TOGARAM1: variants seen among roughly 807,000 people sequenced by gnomAD.
The protein encoded by TOGARAM1 is TOG array regulator of axonemal microtubules 1.
A neutral mutation model predicts 166.6 loss-of-function variants in TOGARAM1; 100 were observed. The ratio of observed to expected loss-of-function variants is 0.60; its 90% CI spans 0.51 to 0.71. The LOEUF (loss-of-function observed/expected upper bound fraction) is 0.71, where lower values mean the gene tolerates loss of function less well. Ranked by LOEUF, TOGARAM1 falls within the 30% of genes least tolerant of loss-of-function variation. The pLI is 0.00. For missense variants in TOGARAM1, 2,029 were observed against 2,102.7 expected (o/e 0.96, Z 0.69); for synonymous variants, 758 against 763.8 (o/e 0.99, Z 0.13).
intron 15 of TOGARAM1, among the ~76,000 whole-genome samples, chr14:45,053,068 C>G (rs1345329631): frequency 7.6e-6 from 1 of 131,998 alleles, no homozygotes; most frequent in Non-Finnish European, 1.5e-5. Context: ...GAGACAGAGT[C>G]TTGCTGTGCC....
At chr14:45,045,567 A>G (rs1471768178) in intron 13 of TOGARAM1, among the ~76,000 whole-genome samples, 17 of 41,500 alleles carry the variant, frequency 4.1e-4, no homozygotes, top group East Asian at 2.4e-3. Context: ...ATATATATAT[A>G]TATATATATA....
At position 44,986,226 on chromosome 14, in the gene TOGARAM1, A is replaced by G. The variant is rs541744110; in HGVS notation, c.2047-9520A>G. On this transcript the variant is annotated intron_variant, in intron 1 of 19. Transcript: ENST00000361462. ...CTTACATGGTGGTAAAATCTAGACA[A>G]ATAACTGTTTTTAAGCAAGTATAAT... Among the ~76,000 whole-genome samples, 6 of 152,342 alleles carry G rather than the reference A, an allele frequency of 3.9e-5. No homozygotes were observed. The East Asian group carries it at 1.2e-3, about 29-fold the overall frequency.
At chr14:45,018,037 G>T (rs1880260215) in intron 7 of TOGARAM1, among the ~76,000 whole-genome samples, 1 of 152,122 alleles carries the variant, frequency 6.6e-6, no homozygotes, top group South Asian at 2.1e-4. Flanking sequence ...GTTTTGAAGG[G>T]TATAAATATT....
intron 11 of TOGARAM1, among the ~76,000 whole-genome samples, chr14:45,035,618 A>G (rs965041586): frequency 6.6e-6 from 1 of 152,168 alleles, no homozygotes; most frequent in Non-Finnish European, 1.5e-5. Context: ...CAAAGGAGAT[A>G]TAATCAAAAG....
chr14:45,049,518 C>T (rs552856278), intron 14 of TOGARAM1, among the ~76,000 whole-genome samples: 13 of 152,140 alleles, frequency 8.5e-5, no homozygotes, highest in Non-Finnish European at 1.9e-4. Flanking sequence ...CTCGGCCTCC[C>T]AAAGTGCTGG....
intron 1 of TOGARAM1, among the ~76,000 whole-genome samples, chr14:44,987,976 A>T (rs981268170): frequency 3.3e-5 from 5 of 151,974 alleles, no homozygotes; most frequent in African/African-American, 1.2e-4. Context: ...GAAGCTGGAA[A>T]CCATCATTCT....
chr14:44,980,884 G>A (rs891578165), intron 1 of TOGARAM1, among the ~76,000 whole-genome samples: 14 of 152,088 alleles, frequency 9.2e-5, no homozygotes, highest in African/African-American at 3.4e-4. Flanking sequence ...AATCACAAAA[G>A]CAGCAATGTG....
At chr14:45,011,899 A>G in intron 6 of TOGARAM1, 76 bp from the exon 7 acceptor site, 10 of 1,002,710 alleles carry the variant, frequency 1.0e-5, no homozygotes, top group Non-Finnish European at 1.5e-5. Flanking sequence ...TAATAAGGAG[A>G]ATAGACAATA....
intron 1 of TOGARAM1, among the ~76,000 whole-genome samples, chr14:44,991,715 CAT>C (rs1241468987): frequency 6.6e-6 from 1 of 150,594 alleles, no homozygotes; most frequent in Non-Finnish European, 1.5e-5. Flanking sequence ...GCCAGAGTAT[CAT>C]GTGATTTATT....
intron 3 of TOGARAM1, among the ~76,000 whole-genome samples, chr14:45,001,829 T>C (rs1887702172): frequency 6.6e-6 from 1 of 152,320 alleles, no homozygotes; most frequent in East Asian, 1.9e-4. Context: ...TCCTAAAAGC[T>C]ACCCTTTCAG....
At position 45,027,014 on chromosome 14, in the gene TOGARAM1, C is replaced by T. The variant is rs531233030; in HGVS notation, c.3329-285C>T. 2.5e-4 allele frequency among the ~76,000 whole-genome samples: 38 copies of T among 152,000 alleles called. No individual in the cohort carries two copies. The South Asian group carries it at 7.9e-3, about 32-fold the overall frequency. ...CAGAGAGAGACTATCTCAAAACAAA[C>T]AAACAAACAAACAAACAAAAAACAG... On this transcript the variant is annotated intron_variant, in intron 8 of 19. Transcript: ENST00000361462.
intron 1 of TOGARAM1, among the ~76,000 whole-genome samples, chr14:44,987,891 G>A (rs868810205): frequency 3.5e-4 from 53 of 150,856 alleles, no homozygotes; most frequent in African/African-American, 9.3e-4. Context: ...TTAAGAAAAT[G>A]TGGCACATAT....
intron 16 of TOGARAM1, among the ~76,000 whole-genome samples, chr14:45,060,450 A>G (rs1161219975): frequency 2.6e-5 from 4 of 152,064 alleles, no homozygotes; most frequent in Non-Finnish European, 5.9e-5. Flanking sequence ...CCCTGACCTC[A>G]GGTGATCCAC....
intron 3 of TOGARAM1, 41 bp downstream of exon 3, chr14:44,999,538 A>G: frequency 7.2e-6 from 11 of 1,518,874 alleles, no homozygotes; most frequent in Non-Finnish European, 9.8e-6. Flanking sequence ...TGACTTATAA[A>G]TATTATGTGG....
At chr14:45,027,546 TG>T (rs2033512858) in intron 9 of TOGARAM1, 72 bp downstream of exon 9, 7 of 1,179,082 alleles carry the variant, frequency 5.9e-6, no homozygotes, top group Middle Eastern at 2.1e-4. Context: ...ATATCAGATG[TG>T]GGGTGGTGAA....
chr14:45,044,926 C>A (rs1174520005), intron 13 of TOGARAM1, 56 bp downstream of exon 13: 1 of 1,310,894 alleles, frequency 7.6e-7, no homozygotes, highest in Non-Finnish European at 1.1e-6. Context: ...ATGTTGCAAT[C>A]GGGACTGTAG....
At chr14:45,027,548 G>T in intron 9 of TOGARAM1, 74 bp downstream of exon 9, 1 of 1,167,400 alleles carries the variant, frequency 8.6e-7, no homozygotes. Flanking sequence ...ATCAGATGTG[G>T]GGTGGTGAAA....
chr14:45,008,885 A>G, intron 5 of TOGARAM1, 28 bp from the exon 6 acceptor site: 2 of 1,549,720 alleles, frequency 1.3e-6, no homozygotes, highest in Non-Finnish European at 1.8e-6. Context: ...TTTATGTTAT[A>G]AAGTTTATTG....
At chr14:45,055,793 T>G (rs1882601696) in intron 16 of TOGARAM1, among the ~76,000 whole-genome samples, 1 of 104,666 alleles carries the variant, frequency 9.6e-6, no homozygotes. Flanking sequence ...AGAGTGAGAC[T>G]CCATCTCAAA....
Sources: allele counts gnomAD v4.1 joint callset (sites outside exome capture counted in the v4.1 genomes callset), GRCh38; gene constraint gnomAD v4.1.1; transcripts MANE v1.5; gene names NCBI Gene and HGNC (gene_info 2026-07-23, HGNC 2026-07-21).